Variants in CLMP observed in about 807,000 individuals in gnomAD.
CLMP encodes the protein CXADR like cell adhesion molecule, also known as CXADR-like membrane protein.
CLMP carries 27 observed loss-of-function variants against 45.2 expected under a neutral mutation model. The ratio of observed to expected loss-of-function variants is 0.60; its 90% CI spans 0.44 to 0.82. CLMP has a LOEUF of 0.82. Ranked by LOEUF, CLMP falls within the 40% of genes least tolerant of loss-of-function variation. CLMP has a pLI of 0.00. For missense variants in CLMP, 403 were observed against 448.4 expected, an observed-to-expected ratio of 0.90 and a Z score of 0.91; for synonymous variants, 167 against 171.4, an observed-to-expected ratio of 0.97 and a Z score of 0.20.
chr11:123,128,736 T>C (rs1439074425), intron 1 of CLMP, among the ~76,000 whole-genome samples: 2 of 152,234 alleles, frequency 1.3e-5, no homozygotes, highest in African/African-American at 4.8e-5. Context: ...GTCAAACAAC[T>C]AATTTGACCT....
At chr11:123,116,179 T>C (rs1860717694) in intron 1 of CLMP, among the ~76,000 whole-genome samples, 1 of 151,770 alleles carries the variant, frequency 6.6e-6, no homozygotes, top group South Asian at 2.1e-4. Context: ...TTATAAGCAA[T>C]TCAATAATTC....
intron 1 of CLMP, among the ~76,000 whole-genome samples, chr11:123,174,398 G>T (rs1044154019): frequency 6.6e-6 from 1 of 152,174 alleles, no homozygotes; most frequent in African/African-American, 2.4e-5. Flanking sequence ...GATGGCATAG[G>T]CAAAGATCAT....
intron 1 of CLMP, among the ~76,000 whole-genome samples, chr11:123,107,030 AAAAT>A (rs1860570132): frequency 6.6e-6 from 1 of 150,790 alleles, no homozygotes; most frequent in Non-Finnish European, 1.5e-5. Context: ...AAAAAAAAAA[AAAAT>A]AATAATAATA....
intron 1 of CLMP, among the ~76,000 whole-genome samples, chr11:123,116,305 G>A (rs1410791865): frequency 2.0e-5 from 3 of 151,930 alleles, no homozygotes; most frequent in African/African-American, 7.3e-5. Flanking sequence ...GGTGGCTCAC[G>A]CCTGTAATCC....
At chr11:123,191,022 G>A (rs957626708) in intron 1 of CLMP, among the ~76,000 whole-genome samples, 4 of 152,174 alleles carry the variant, frequency 2.6e-5, no homozygotes, top group Admixed American at 2.6e-4. Flanking sequence ...GGGTTCCAAG[G>A]AAAAGTATCA....
intron 1 of CLMP, among the ~76,000 whole-genome samples, chr11:123,172,609 G>A (rs1861651286): frequency 6.6e-6 from 1 of 152,078 alleles, no homozygotes; most frequent in Non-Finnish European, 1.5e-5. Flanking sequence ...GGCCTCCCAT[G>A]TAGCTGGGAC....
At chr11:123,157,930 T>G (rs1158813397) in intron 1 of CLMP, among the ~76,000 whole-genome samples, 1 of 152,092 alleles carries the variant, frequency 6.6e-6, no homozygotes, top group East Asian at 1.9e-4. Context: ...AACACAGTAC[T>G]GCCCCATTGC....
intron 1 of CLMP, among the ~76,000 whole-genome samples, chr11:123,172,302 G>A (rs746147536): frequency 2.9e-4 from 44 of 151,878 alleles, no homozygotes; most frequent in African/African-American, 1.4e-4. Context: ...TAGTAGAGAC[G>A]GTGTTTCACT....
intron 1 of CLMP, among the ~76,000 whole-genome samples, chr11:123,118,991 TTCTTTCTTTCTC>T (rs1565387887): frequency 7.3e-4 from 19 of 25,970 alleles, no homozygotes; most frequent in Non-Finnish European, 1.0e-3. Flanking sequence ...CTTTCTTTCT[TTCTTTCTTTCTC>T]TCTCTCTCTC....
At chr11:123,101,295 C>T (rs184160445) in intron 1 of CLMP, among the ~76,000 whole-genome samples, 120 of 152,232 alleles carry the variant, frequency 7.9e-4, no homozygotes, top group African/African-American at 2.5e-3. Context: ...TTAATAGAGA[C>T]GGGGCTTCAC....
intron 1 of CLMP, among the ~76,000 whole-genome samples, chr11:123,187,987 T>C (rs1322480124): frequency 2.0e-5 from 3 of 152,162 alleles, no homozygotes; most frequent in African/African-American, 7.2e-5. Flanking sequence ...TGAGAAGAAA[T>C]ACACAGCAGC....
intron 5 of CLMP, 80 bp from the exon 6 acceptor site, chr11:123,074,923 C>G (rs1865718668): frequency 1.4e-6 from 2 of 1,476,142 alleles, no homozygotes; most frequent in Non-Finnish European, 9.2e-7. Context: ...AACATAAGCT[C>G]TGGACAGAAT....
chr11:123,143,764 C>T (rs1404563198), intron 1 of CLMP, among the ~76,000 whole-genome samples: 2 of 152,182 alleles, frequency 1.3e-5, no homozygotes, highest in African/African-American at 4.8e-5. Context: ...GCTGAGCCTC[C>T]AGATGAGGAC....
intron 1 of CLMP, among the ~76,000 whole-genome samples, chr11:123,110,515 AG>A (rs925308043): frequency 6.6e-6 from 1 of 151,584 alleles, no homozygotes; most frequent in Non-Finnish European, 1.5e-5. Context: ...GCTACTAGGG[AG>A]GCTTAGACAG....
chr11:123,187,616 C>G (rs1861851390), intron 1 of CLMP, among the ~76,000 whole-genome samples: 1 of 152,208 alleles, frequency 6.6e-6, no homozygotes, highest in Non-Finnish European at 1.5e-5. Context: ...TAATAAGATA[C>G]AAACCTGGGG....
chr11:123,148,664 T>C (rs192178753), intron 1 of CLMP, among the ~76,000 whole-genome samples: 1 of 152,346 alleles, frequency 6.6e-6, no homozygotes, highest in East Asian at 1.9e-4. Flanking sequence ...AGATTCTCCC[T>C]TGAAGAACTT....
intron 1 of CLMP, among the ~76,000 whole-genome samples, chr11:123,106,382 G>GGTGTGTGTGT (rs539659160): frequency 1.1e-4 from 15 of 135,204 alleles, no homozygotes; most frequent in East Asian, 2.3e-4. Flanking sequence ...TTCTGTAGGA[G>GGTGTGTGTGT]GTGTGTGTGT....
chr11:123,154,584 G>A (rs553796233), intron 1 of CLMP, among the ~76,000 whole-genome samples: 14 of 152,200 alleles, frequency 9.2e-5, no homozygotes, highest in East Asian at 3.9e-4. Context: ...ATCATGACAC[G>A]GCATGTCATG....
At chr11:123,174,074 C>G (rs543971233) in intron 1 of CLMP, among the ~76,000 whole-genome samples, 3 of 151,652 alleles carry the variant, frequency 2.0e-5, no homozygotes, top group Admixed American at 2.0e-4. Context: ...CAGGTGGGAC[C>G]CTGTTTCAAA....
Sources: gnomAD v4.1 joint callset for allele counts (sites outside exome capture counted in the v4.1 genomes callset) on GRCh38, gnomAD v4.1.1 for gene constraint, MANE v1.5 for transcripts, NCBI Gene and HGNC (gene_info 2026-07-23, HGNC 2026-07-21) for gene names.